Variants in UBTF observed in about 807,000 individuals in gnomAD.
UBTF encodes the protein upstream binding transcription factor.
In UBTF, 8 loss-of-function variants were observed where a neutral mutation model predicts 112.3. The ratio of observed to expected loss-of-function variants is 0.07; its 90% CI spans 0.04 to 0.13. UBTF has a LOEUF of 0.13. Among genes scored for constraint, UBTF ranks in the 10% least tolerant of loss-of-function variants. UBTF has a pLI of 1.00. For synonymous variants in UBTF, 417 were observed against 373.1 expected, an observed-to-expected ratio of 1.12 and a Z score of -1.36; for missense variants, 457 against 982.1, an observed-to-expected ratio of 0.47 and a Z score of 7.15.
At chr17:44,218,054 C>G in intron 2 of UBTF, 118 bp downstream of exon 2, 2 of 1,032,012 alleles carry the variant, frequency 1.9e-6, no homozygotes, top group Non-Finnish European at 2.9e-6. Context: ...ACTCAAGGCA[C>G]TTTCTCCCCC....
chr17:44,209,234 A>G (rs2056494602), intron 17 of UBTF, 118 bp downstream of exon 17: 4 of 1,038,076 alleles, frequency 3.9e-6, no homozygotes, highest in Non-Finnish European at 5.5e-6. Flanking sequence ...TTGCGAGGGC[A>G]TGGAATGAAA....
upstream of UBTF, among the ~76,000 whole-genome samples, chr17:44,220,560 C>G (rs1208511379): frequency 6.6e-6 from 1 of 152,060 alleles, no homozygotes; most frequent in East Asian, 1.9e-4. Flanking sequence ...ATCCCCGTTG[C>G]TCTTTACACC....
rs947767773 is a variant in UBTF at position 44,205,286 on chromosome 17, GCACCAA to G, written c.*1950_*1955del. Reference sequence around the variant, plus strand: ...ATGCACTCAAGAGTGACCTCTTACAGCACCAACACCCCCACCCTGACAGTCCTGTTT... The same window carrying G: ...ATGCACTCAAGAGTGACCTCTTACAGCACCCCCACCCTGACAGTCCTGTTT... On this transcript the variant is annotated 3_prime_UTR_variant, in exon 21 of 21. Coordinates refer to ENST00000436088, the MANE Select transcript of UBTF (RefSeq NM_014233.4). 6.6e-6 allele frequency: 1 copy of G among 152,586 alleles called. No homozygotes were observed. The highest frequency in any genetic ancestry group is 6.5e-5 in the Admixed American group (1 of 15,272). 9.5% of individuals were successfully genotyped at this position (152,586 alleles called of 1,614,324 possible).
rs374204903 is a variant in UBTF, at chr17:44,207,335, G to A, written c.2202C>T (p.Asp734=). Residue 734 remains aspartate (D), a synonymous_variant, in exon 21 of 21, where the codon GAC becomes GAT. Transcript: ENST00000436088. ...NEEDDEDEDD[D]EDDDEDEDNE... Reference sequence around the variant, plus strand: ...TATCTTCATCCTCATCGTCATCCTCGTCGTCGTCTTCGTCCTCGTCATCCT... The same window carrying A: ...TATCTTCATCCTCATCGTCATCCTCATCGTCGTCTTCGTCCTCGTCATCCT... 32 of 1,611,110 alleles carry A rather than the reference G, an allele frequency of 2.0e-5. No individual in the cohort carries two copies. The highest frequency in any genetic ancestry group is 3.3e-5 in the South Asian group (3 of 90,684).
In UBTF at chr17:44,207,210, T is replaced by C; in HGVS notation, c.*32A>G. 1 of 1,611,904 alleles carries C rather than the reference T, an allele frequency of 6.2e-7. No homozygotes were observed. Among genetic ancestry groups the C allele is most frequent in the Non-Finnish European group, 8.5e-7 (1 of 1,179,150 alleles). Reference sequence around the variant, plus strand: ...CAGTTGGGGAGGGGAGCTCCTGGGCTCTCCCTGGCTGCCCTGGGGTGGGGC... The same window carrying C: ...CAGTTGGGGAGGGGAGCTCCTGGGCCCTCCCTGGCTGCCCTGGGGTGGGGC... On this transcript the variant is annotated 3_prime_UTR_variant, in exon 21 of 21. Transcript: ENST00000436088.
In UBTF at chr17:44,211,423, C is replaced by T. The variant is rs577901327; in HGVS notation, c.1048-92G>A. The T allele has an allele frequency of 1.9e-6, 3 of 1,590,592 alleles. No individual in the cohort carries two copies. The African/African-American group carries it at 4.0e-5, about 21-fold the overall frequency. On this transcript the variant is annotated intron_variant, in intron 10 of 20. Transcript: ENST00000436088. The surrounding 1 kb of genome is among the most constrained non-coding windows in gnomAD (Gnocchi z 4.9). Reference sequence around the variant, plus strand: ...AGGACAGTGACCTTCAGCGGGCCTCCAGAGCCTGGGTGTGGGCTGGACTCC... The same window carrying T: ...AGGACAGTGACCTTCAGCGGGCCTCTAGAGCCTGGGTGTGGGCTGGACTCC...
upstream of UBTF, among the ~76,000 whole-genome samples, chr17:44,219,989 G>C (rs549973647): frequency 6.7e-6 from 1 of 149,818 alleles, no homozygotes; most frequent in Non-Finnish European, 1.5e-5. Context: ...GGACCCGGGC[G>C]GCCGAGGCGG....
chr17:44,206,082 C>T lies in UBTF; in HGVS notation c.*1160G>A, dbSNP rs948816157. The T allele has an allele frequency of 6.6e-6, 1 of 152,180 alleles. No homozygotes were observed. Among genetic ancestry groups the T allele is most frequent in the Non-Finnish European group, 1.5e-5 (1 of 68,032 alleles). 9.4% of individuals were successfully genotyped at this position (152,180 alleles called of 1,614,324 possible). On this transcript the variant is annotated 3_prime_UTR_variant, in exon 21 of 21. Coordinates refer to ENST00000436088, the MANE Select transcript of UBTF (RefSeq NM_014233.4). ...AGGTTCTGAGCCTGGGGTGGCCAGG[C>T]TTGGCCTCTCAGATGAACAGGGGAG...
chr17:44,220,016 G>A (rs1457726895), upstream of UBTF, among the ~76,000 whole-genome samples: 2 of 148,410 alleles, frequency 1.3e-5, no homozygotes, highest in Non-Finnish European at 3.0e-5. Context: ...GGAAGGAGGG[G>A]AGGGGGGTGG....
In UBTF at chr17:44,207,006, T is replaced by C. The variant is rs2056282473; in HGVS notation, c.*236A>G. 3.4e-6 allele frequency: 2 copies of C among 584,158 alleles called. No homozygotes were observed. The highest frequency in any genetic ancestry group is 6.0e-6 in the Non-Finnish European group (2 of 333,130). 36.2% of individuals were successfully genotyped at this position (584,158 alleles called of 1,614,324 possible). Reference sequence around the variant, plus strand: ...CTGGTCCGGTGCTGGCTTAGTCTGATAGTTGCTGTCCCTGGAGGAGGACCC... The same window carrying C: ...CTGGTCCGGTGCTGGCTTAGTCTGACAGTTGCTGTCCCTGGAGGAGGACCC... On this transcript the variant is annotated 3_prime_UTR_variant, in exon 21 of 21. Transcript: ENST00000436088.
rs2056581407 is a variant in UBTF at position 44,210,454 on chromosome 17, T to G, written c.1379A>C (p.Glu460Ala). Reference sequence around the variant, plus strand: ...CTCCGACTGAGCCTTGAGCGCCGCCTCTCGGGCCTTGTACTTGGCCTGCGG... The same window carrying G: ...CTCCGACTGAGCCTTGAGCGCCGCCGCTCGGGCCTTGTACTTGGCCTGCGG... ...EKKKAKYKAR[E>A]AALKAQSERK... The change falls in exon 14 of 21, where the codon GAG (glutamate) becomes GCG (alanine). Residue 460 changes from glutamate to alanine, a missense_variant. By Grantham distance (107) the Glu-to-Ala change is moderately radical. Transcript: ENST00000436088. The G allele has an allele frequency of 6.2e-7, 1 of 1,611,452 alleles. No individual in the cohort carries two copies. The highest frequency in any genetic ancestry group is 8.5e-7 in the Non-Finnish European group (1 of 1,179,660).
chr17:44,209,388 T>C lies in UBTF; in HGVS notation c.1869A>G (p.Gln623=). 1 of 1,613,180 alleles carries C rather than the reference T, an allele frequency of 6.2e-7. No individual in the cohort carries two copies. The highest frequency in any genetic ancestry group is 1.3e-5 in the African/African-American group (1 of 75,026). ...GGTCCAGGTGCACCTTGTACTGCTT[T>C]TGCTGCTCCTCGGCCAGCTTTTTGT... ...EHYKKLAEEQ[Q]KQYKVHLDLW... is the part of the protein sequence containing the mutation. The change falls in exon 17 of 21, where the codon CAA becomes CAG. Residue 623 remains glutamine (Q), a synonymous_variant. Transcript: ENST00000436088.
At position 44,207,375 on chromosome 17, in the gene UBTF, G is replaced by T. The variant is rs1263502187; in HGVS notation, c.2170-8C>A. The T allele has an allele frequency of 1.2e-6, 2 of 1,612,132 alleles. No homozygotes were observed. Among genetic ancestry groups the T allele is most frequent in the Non-Finnish European group, 1.7e-6 (2 of 1,179,182 alleles). ...CTCGTCATCCTCTTCATTCTGGGGG[G>T]TGAGAAAGGATGTGGAGTCACCAGG... On this transcript the variant is annotated splice_region_variant and splice_polypyrimidine_tract_variant and intron_variant, in intron 20 of 20. Coordinates refer to ENST00000436088, the MANE Select transcript of UBTF (RefSeq NM_014233.4).
rs998518735 is a variant in UBTF, at chr17:44,205,544, C to G, written c.*1698G>C. ...GGGAATGGGAGTGGGGAGTGTCCCCCCCAGGCCTCCCCACCCCCAGCACCA... is the reference window on the plus strand; with the variant it reads ...GGGAATGGGAGTGGGGAGTGTCCCCGCCAGGCCTCCCCACCCCCAGCACCA... On this transcript the variant is annotated 3_prime_UTR_variant, in exon 21 of 21. Transcript: ENST00000436088. 6.6e-6 allele frequency: 1 copy of G among 152,216 alleles called. No homozygotes were observed. The highest frequency in any genetic ancestry group is 2.4e-5 in the African/African-American group (1 of 41,424). The allele number at this position is 152,216 out of a possible 1,614,324, so 9.4% of individuals were successfully genotyped here. A position where few individuals can be genotyped will look rare whatever the true frequency, so the allele number is the denominator to read the frequency against.
At chr17:44,221,299 G>T (rs973675675), upstream of UBTF, 2 of 152,188 alleles carry the variant, frequency 1.3e-5, no homozygotes, top group African/African-American at 4.8e-5. Context: ...CCCGACCCGG[G>T]CGTGTACGCC....
chr17:44,218,744 C>A (rs910070884), intron 1 of UBTF, among the ~76,000 whole-genome samples: 1 of 151,498 alleles, frequency 6.6e-6, no homozygotes, highest in African/African-American at 2.4e-5. Flanking sequence ...CCTCCCGCCT[C>A]CCCCCGGCCG....
intron 17 of UBTF, 157 bp downstream of exon 17, chr17:44,209,195 A>T: frequency 1.4e-6 from 1 of 694,706 alleles, no homozygotes; most frequent in Non-Finnish European, 2.2e-6. Context: ...TAAAAATAAA[A>T]GGGTGATAGT....
intron 15 of UBTF, 78 bp from the exon 16 acceptor site, chr17:44,209,811 C>A (rs1436720438): frequency 6.9e-7 from 1 of 1,451,360 alleles, no homozygotes; most frequent in Non-Finnish European, 9.5e-7. Flanking sequence ...GCCATCAGCA[C>A]CTTAGCTGGC....
At chr17:44,212,245 G>T (rs1474784462) in intron 8 of UBTF, 99 bp downstream of exon 8, 3 of 1,038,962 alleles carry the variant, frequency 2.9e-6, no homozygotes, top group South Asian at 1.4e-5. Context: ...TCAACAGAGG[G>T]ATGGGGAGTG....
Sources: gnomAD v4.1 joint callset for allele counts (sites outside exome capture counted in the v4.1 genomes callset) on GRCh38, gnomAD v4.1.1 for gene constraint, Gnocchi (gnomAD v3.1) non-coding constraint, MANE v1.5 for transcripts, NCBI Gene and HGNC (gene_info 2026-07-23, HGNC 2026-07-21) for gene names.